The following NELL2 variants were observed in gnomAD, a reference collection of about 807,000 sequenced individuals.
NELL2 encodes neural EGFL like 2.
Under a neutral mutation model 109.6 loss-of-function variants are expected in NELL2, and 41 were observed. The ratio of observed to expected loss-of-function variants is 0.37; its 90% CI spans 0.29 to 0.49. The LOEUF is 0.49. Among genes scored for constraint, NELL2 ranks in the 20% least tolerant of loss-of-function variants. The pLI is 0.98. For synonymous variants in NELL2, 355 were observed against 344.7 expected, an observed-to-expected ratio of 1.03 and a Z score of -0.33; for missense variants, 900 against 1,008.3, an observed-to-expected ratio of 0.89 and a Z score of 1.45.
chr12:44,920,601 A>G (rs1194532470), intron 1 of NELL2, among the ~76,000 whole-genome samples: 1 of 152,200 alleles, frequency 6.6e-6, no homozygotes, highest in Admixed American at 6.5e-5. Context: ...AGCTTTATTA[A>G]AGCTCATCTA....
intron 12 of NELL2, among the ~76,000 whole-genome samples, chr12:44,667,607 GA>G (rs1217397642): frequency 4.6e-5 from 7 of 152,178 alleles, no homozygotes; most frequent in Admixed American, 2.6e-4. Flanking sequence ...ATGTTTACTA[GA>G]GGAGCCTGGT....
chr12:44,852,236 C>G (rs1378421729), intron 2 of NELL2, among the ~76,000 whole-genome samples: 1 of 152,160 alleles, frequency 6.6e-6, no homozygotes, highest in East Asian at 1.9e-4. Flanking sequence ...TCTACAGATT[C>G]ATATCTTAAC....
In NELL2 at chr12:44,597,731, T is replaced by C. The variant is rs1945022865; in HGVS notation, c.1663+9438A>G. ...AACACAAAATCATAGGTTCCATCTC[T>C]ACTTTCCATGGAACTCATACTCCAG... is the stretch of plus-strand genomic sequence containing the variant. On this transcript the variant is annotated intron_variant, in intron 15 of 19. Coordinates refer to ENST00000429094, the MANE Select transcript of NELL2 (RefSeq NM_001145108.2). Among the ~76,000 whole-genome samples the C allele has an allele frequency of 2.0e-5, 3 of 152,308 alleles. No homozygotes were observed. In the East Asian group the frequency reaches 5.8e-4, roughly 29 times the overall value.
At chr12:44,822,669 G>C in intron 2 of NELL2, among the ~76,000 whole-genome samples, 1 of 152,122 alleles carries the variant, frequency 6.6e-6, no homozygotes. Flanking sequence ...AGAACTGCTT[G>C]AGTTTAAATG....
At chr12:44,517,516 T>A (rs1416924316) in intron 19 of NELL2, among the ~76,000 whole-genome samples, 1 of 151,980 alleles carries the variant, frequency 6.6e-6, no homozygotes, top group Non-Finnish European at 1.5e-5. Flanking sequence ...TTAAACCCCT[T>A]TTCTTTGTAA....
At chr12:44,711,416 G>A in intron 10 of NELL2, 22 bp from the exon 11 acceptor site, 1 of 1,584,044 alleles carries the variant, frequency 6.3e-7, no homozygotes, top group African/African-American at 1.3e-5. Context: ...CAGAAAAGAA[G>A]TGCTTCAAAT....
At chr12:44,694,308 G>A (rs1329387953) in intron 12 of NELL2, among the ~76,000 whole-genome samples, 6 of 152,060 alleles carry the variant, frequency 3.9e-5, no homozygotes, top group Non-Finnish European at 7.4e-5. Context: ...GAATTAGAAC[G>A]TTGGTCTTCT....
intron 2 of NELL2, among the ~76,000 whole-genome samples, chr12:44,836,707 A>G (rs1944064906): frequency 6.6e-6 from 1 of 152,204 alleles, no homozygotes; most frequent in Non-Finnish European, 1.5e-5. Context: ...CTCAAATTCA[A>G]AGTATGCTTG....
At chr12:44,742,167 T>G (rs904796499) in intron 9 of NELL2, among the ~76,000 whole-genome samples, 2 of 152,124 alleles carry the variant, frequency 1.3e-5, no homozygotes, top group Non-Finnish European at 2.9e-5. Context: ...TCCGCTGTTC[T>G]GCAGCCACTG....
chr12:44,887,913 C>G (rs184206408), intron 1 of NELL2, among the ~76,000 whole-genome samples: 1 of 152,044 alleles, frequency 6.6e-6, no homozygotes, highest in African/African-American at 2.4e-5. Context: ...TTGCTGAGAC[C>G]AATATCCTGG....
At chr12:44,539,885 G>A (rs1212583226) in intron 15 of NELL2, among the ~76,000 whole-genome samples, 1 of 152,156 alleles carries the variant, frequency 6.6e-6, no homozygotes, top group African/African-American at 2.4e-5. Context: ...GTTTATAACA[G>A]CAAGTAAGTA....
chr12:44,831,761 A>G (rs1014275383), intron 2 of NELL2, among the ~76,000 whole-genome samples: 27 of 152,350 alleles, frequency 1.8e-4, no homozygotes, highest in African/African-American at 6.3e-4. Context: ...CCATGAGGAA[A>G]ATGGCAGTGT....
chr12:44,652,060 C>T (rs777669835), intron 13 of NELL2, among the ~76,000 whole-genome samples: 1 of 152,054 alleles, frequency 6.6e-6, no homozygotes, highest in Non-Finnish European at 1.5e-5. Context: ...CCAAATAAAT[C>T]CCCATTGAGA....
chr12:44,520,169 G>C lies in NELL2; in HGVS notation c.2236C>G (p.Leu746Val), dbSNP rs1941466085. ...CPDVECEFSI[L>V]PENECCPRCV... ...CGCGGGCAGCACTCATTCTCTGGGAGAATGCTGAATTCACACTCCACATCT... is the reference window on the plus strand; with the variant it reads ...CGCGGGCAGCACTCATTCTCTGGGACAATGCTGAATTCACACTCCACATCT... The change falls in exon 19 of 20, where the codon CTC (leucine) becomes GTC (valine). Residue 746 changes from leucine (L) to valine (V), a missense_variant. Around this residue, in one of 4 missense-constraint regions of NELL2, gnomAD observed 333 missense variants for 432.3 expected, o/e 0.77. Coordinates refer to ENST00000429094, the MANE Select transcript of NELL2 (RefSeq NM_001145108.2). 6.2e-7 allele frequency: 1 copy of C among 1,613,660 alleles called. No individual in the cohort carries two copies. The highest frequency in any genetic ancestry group is 1.3e-5 in the African/African-American group (1 of 74,890).
At chr12:44,815,741 C>T (rs1216287506) in intron 3 of NELL2, among the ~76,000 whole-genome samples, 1 of 151,658 alleles carries the variant, frequency 6.6e-6, no homozygotes. Flanking sequence ...GCCTCAGCCA[C>T]TCGAGTAGCT....
chr12:44,791,098 T>C (rs12423450), intron 3 of NELL2, among the ~76,000 whole-genome samples: 898 of 16,306 alleles, frequency 0.055, 74 homozygotes, highest in Non-Finnish European at 0.073. Context: ...TATATATATG[T>C]ATATATATAT....
At chr12:44,759,560 G>A (rs1251335860) in intron 9 of NELL2, among the ~76,000 whole-genome samples, 1 of 152,134 alleles carries the variant, frequency 6.6e-6, no homozygotes, top group Non-Finnish European at 1.5e-5. Context: ...ATACAAGCAA[G>A]CCCAGCATGA....
intron 3 of NELL2, among the ~76,000 whole-genome samples, chr12:44,785,152 C>T (rs780842882): frequency 2.0e-5 from 3 of 152,206 alleles, no homozygotes; most frequent in Admixed American, 6.5e-5. Flanking sequence ...GGCCCCAAAA[C>T]TCCTTAAGCT....
chr12:44,896,269 C>T (rs1945591634), intron 1 of NELL2, among the ~76,000 whole-genome samples: 1 of 152,098 alleles, frequency 6.6e-6, no homozygotes, highest in Non-Finnish European at 1.5e-5. Context: ...ATATGAAATA[C>T]ACAGCAAAGT....
Sources: gnomAD v4.1 joint callset for allele counts (sites outside exome capture counted in the v4.1 genomes callset) on GRCh38, gnomAD v4.1.1 for gene constraint, gnomAD v4.1.1 regional missense constraint, MANE v1.5 for transcripts, NCBI Gene and HGNC (gene_info 2026-07-23, HGNC 2026-07-21) for gene names.